RALGAPB: variants seen among roughly 807,000 people sequenced by gnomAD.
RALGAPB encodes the protein ral GTPase-activating protein subunit beta.
Under a neutral mutation model 161.1 loss-of-function variants are expected in RALGAPB, and 25 were observed. That is an observed-to-expected ratio of 0.16 (90% CI 0.11 to 0.22). The LOEUF is 0.22. RALGAPB is among the 10% of genes least tolerant of loss of function. The pLI is 1.00. For synonymous variants in RALGAPB, 629 were observed against 626.1 expected (o/e 1.00, Z -0.07); for missense variants, 1,391 against 1,815.2 (o/e 0.77, Z 4.25).
At chr20:38,543,112 C>A (rs956967662) in intron 18 of RALGAPB, among the ~76,000 whole-genome samples, 1 of 152,170 alleles carries the variant, frequency 6.6e-6, no homozygotes, top group Non-Finnish European at 1.5e-5. Context: ...CATGGCTCAT[C>A]TGTTTCGCTT....
Position 38,497,399 on chromosome 20 carries a change from A to C in RALGAPB, c.436A>C (p.Arg146=), listed in dbSNP as rs751770056. 4 of 1,614,076 alleles carry C rather than the reference A, an allele frequency of 2.5e-6. No individual in the cohort carries two copies. The South Asian group carries it at 4.4e-5, about 18-fold the overall frequency. The change falls in exon 4 of 30, where the codon AGA becomes CGA. Residue 146 remains arginine, a synonymous_variant. Coordinates refer to ENST00000262879, the MANE Select transcript of RALGAPB (RefSeq NM_020336.4). ...SQIRLCLQVL[R]AIQKLARESS... The stretch of plus-strand genomic sequence containing the variant: ...GATTCGACTATGCTTACAGGTCCTG[A>C]GAGCCATTCAGAAACTGGCCCGTGA...
chr20:38,483,167 G>A (rs888972114), intron 1 of RALGAPB, among the ~76,000 whole-genome samples: 1 of 152,214 alleles, frequency 6.6e-6, no homozygotes, highest in East Asian at 1.9e-4. Context: ...GGGATTATAG[G>A]CGTGAGCCAC....
chr20:38,528,350 TTTA>T (rs1568944397), intron 13 of RALGAPB, among the ~76,000 whole-genome samples: 4 of 4,248 alleles, frequency 9.4e-4, no homozygotes, highest in African/African-American at 1.1e-3. Context: ...TTTATTTTTA[TTTA>T]TTTATTTATT....
intron 19 of RALGAPB, chr20:38,547,145 A>G (rs572232386): frequency 9.8e-5 from 15 of 152,314 alleles, no homozygotes; most frequent in African/African-American, 3.6e-4. Flanking sequence ...TTAACACAAC[A>G]TGCACTGTTT....
intron 20 of RALGAPB, among the ~76,000 whole-genome samples, chr20:38,550,009 T>C (rs959849264): frequency 6.6e-6 from 1 of 152,082 alleles, no homozygotes; most frequent in Non-Finnish European, 1.5e-5. Flanking sequence ...ATGGATGAAA[T>C]TGGAAATCAT....
intron 21 of RALGAPB, among the ~76,000 whole-genome samples, chr20:38,553,478 A>G (rs2087452313): frequency 6.6e-6 from 1 of 152,184 alleles, no homozygotes; most frequent in Non-Finnish European, 1.5e-5. Flanking sequence ...ATTTACAGTG[A>G]AAACATGAAG....
chr20:38,475,424 G>T (rs1017119211), intron 1 of RALGAPB, among the ~76,000 whole-genome samples: 3 of 152,136 alleles, frequency 2.0e-5, no homozygotes, highest in African/African-American at 7.2e-5. Flanking sequence ...AAGGAAGGCA[G>T]ACCAATAATT....
chr20:38,496,330 G>C (rs1326515233), intron 3 of RALGAPB, among the ~76,000 whole-genome samples: 1 of 152,074 alleles, frequency 6.6e-6, no homozygotes, highest in East Asian at 1.9e-4. Context: ...CAGTTCTAAG[G>C]GAACTCACTT....
At position 38,541,925 on chromosome 20, in the gene RALGAPB, C is replaced by A. The variant is rs56175431; in HGVS notation, c.2714+733C>A. Among the ~76,000 whole-genome samples, 47 of 152,192 alleles carry A rather than the reference C, an allele frequency of 3.1e-4. 1 individual carries two copies. The South Asian group carries it at 5.8e-3, about 19-fold the overall frequency. ...GTACAGGGTGGGTAAAAAGGCACCA[C>A]GACTGCTGTTTTGAGAATTTTGGTG... is the stretch of plus-strand genomic sequence containing the variant. On this transcript the variant is annotated intron_variant, in intron 18 of 29. Coordinates refer to ENST00000262879, the MANE Select transcript of RALGAPB (RefSeq NM_020336.4).
In RALGAPB at chr20:38,521,477, C is replaced by T; in HGVS notation, c.1418-20C>T. 6.2e-7 allele frequency: 1 copy of T among 1,613,724 alleles called. No individual in the cohort carries two copies. The highest frequency in any genetic ancestry group is 1.1e-5 in the South Asian group (1 of 91,040). ...GTGGCATATTGCAAATATAATAAAA[C>T]CCTCCTTTTCTCTCCCCAGCCATTA... On this transcript the variant is annotated intron_variant, in intron 9 of 29. Coordinates refer to ENST00000262879, the MANE Select transcript of RALGAPB (RefSeq NM_020336.4).
rs545658621 is a variant in RALGAPB, at chr20:38,484,420, C to T, written c.-30-3983C>T. On this transcript the variant is annotated intron_variant, in intron 1 of 29. Transcript: ENST00000262879. Reference sequence around the variant, plus strand: ...TTATACAAAGTATACACTTCACTATCCTCTTTCCACAAGGATTTTGCTATA... The same window carrying T: ...TTATACAAAGTATACACTTCACTATTCTCTTTCCACAAGGATTTTGCTATA... Among the ~76,000 whole-genome samples, 4 of 152,320 alleles carry T rather than the reference C, an allele frequency of 2.6e-5. No homozygotes were observed. In the South Asian group the frequency reaches 8.3e-4, roughly 32 times the overall value.
rs751920797 is a variant in RALGAPB at position 38,567,116 on chromosome 20, A to G, written c.3838A>G (p.Ile1280Val). Residue 1280 changes from isoleucine to valine, a missense_variant, in exon 26 of 30, where the codon ATC (isoleucine) becomes GTC (valine). Coordinates refer to ENST00000262879, the MANE Select transcript of RALGAPB (RefSeq NM_020336.4). ...ESLTDSLESN[I>V]SDQDSDSNMD... Reference sequence around the variant, plus strand: ...CATAGCTGATTCATTGGAAAGTAACATCTCGGACCAAGATAGTGATTCAAA... The same window carrying G: ...CATAGCTGATTCATTGGAAAGTAACGTCTCGGACCAAGATAGTGATTCAAA... 1.2e-5 allele frequency: 20 copies of G among 1,613,344 alleles called. No individual in the cohort carries two copies. Among genetic ancestry groups the G allele is most frequent in the Non-Finnish European group, 1.4e-5 (17 of 1,179,596 alleles).
Position 38,517,640 on chromosome 20 carries a change from A to G in RALGAPB, c.1186A>G (p.Met396Val). 6 of 1,613,986 alleles carry G rather than the reference A, an allele frequency of 3.7e-6. No homozygotes were observed. Among genetic ancestry groups the G allele is most frequent in the Non-Finnish European group, 5.1e-6 (6 of 1,179,988 alleles). The change falls in exon 8 of 30, where the codon ATG becomes GTG. Residue 396 changes from methionine (M) to valine (V), a missense_variant. Physicochemically the swap from Met to Val is conservative, Grantham distance 21. Around this residue, in one of 3 missense-constraint regions of RALGAPB, gnomAD observed 946 missense variants for 1,257.2 expected, o/e 0.75. Transcript: ENST00000262879. Reference protein sequence around the residue: ...HRAVTVNKATMKTSTVSTAHA... With the variant: ...HRAVTVNKATVKTSTVSTAHA... The stretch of plus-strand genomic sequence containing the variant: ...GGCTGTTACTGTGAATAAGGCCACC[A>G]TGAAGACAAGCACAGTAAGAGTTTA...
intron 23 of RALGAPB, among the ~76,000 whole-genome samples, chr20:38,562,076 A>G (rs555924252): frequency 9.9e-5 from 15 of 152,184 alleles, no homozygotes; most frequent in Non-Finnish European, 1.6e-4. Context: ...AATTACACCT[A>G]ATGTTTATTG....
At chr20:38,485,474 C>CT (rs1299890953) in intron 1 of RALGAPB, among the ~76,000 whole-genome samples, 1 of 152,120 alleles carries the variant, frequency 6.6e-6, no homozygotes, top group Non-Finnish European at 1.5e-5. Context: ...GTCACCCAGG[C>CT]TGGAGTGCAG....
At chr20:38,518,984 AT>A (rs1812168171) in intron 9 of RALGAPB, among the ~76,000 whole-genome samples, 1 of 152,164 alleles carries the variant, frequency 6.6e-6, no homozygotes, top group Admixed American at 6.5e-5. Flanking sequence ...ATTCTTAGCT[AT>A]TATTATTATC....
In RALGAPB at chr20:38,539,945, T is replaced by C. The variant is rs753526155; in HGVS notation, c.2549T>C (p.Met850Thr). Residue 850 changes from methionine to threonine, a missense_variant, in exon 17 of 30, where the codon ATG (methionine) becomes ACG (threonine). By Grantham distance (81) the Met-to-Thr change is moderately conservative (BLOSUM62 -1). Coordinates refer to ENST00000262879, the MANE Select transcript of RALGAPB (RefSeq NM_020336.4). ...GTCTGGCTGACAGAGCACCCTGATA[T>C]GCTTGATGAAAAGGTGAGTTTATTT... is the stretch of plus-strand genomic sequence containing the variant. ...LCVWLTEHPD[M>T]LDEKDCLKEV... 7 of 1,608,838 alleles carry C rather than the reference T, an allele frequency of 4.4e-6. No homozygotes were observed. Among genetic ancestry groups the C allele is most frequent in the South Asian group, 3.3e-5 (3 of 89,788 alleles).
At position 38,472,996 on chromosome 20, in the gene RALGAPB, G is replaced by C. The variant is rs1298645864; in HGVS notation, c.-104G>C. On this transcript the variant is annotated 5_prime_UTR_variant, in exon 1 of 30. Coordinates refer to ENST00000262879, the MANE Select transcript of RALGAPB (RefSeq NM_020336.4). Reference sequence around the variant, plus strand: ...AAGCGCCAGCCCTATGGCGCGGGTCGCGTGAGGCGGAAGGCCGAGGACGGC... The same window carrying C: ...AAGCGCCAGCCCTATGGCGCGGGTCCCGTGAGGCGGAAGGCCGAGGACGGC... 7 of 397,574 alleles carry C rather than the reference G, an allele frequency of 1.8e-5. No homozygotes were observed. Among genetic ancestry groups the C allele is most frequent in the Non-Finnish European group, 3.1e-5 (7 of 225,206 alleles). The allele number at this position is 397,574 out of a possible 1,614,324, so 24.6% of individuals were successfully genotyped here.
At chr20:38,531,924 T>A (rs2086663211) in intron 14 of RALGAPB, among the ~76,000 whole-genome samples, 1 of 152,232 alleles carries the variant, frequency 6.6e-6, no homozygotes, top group Admixed American at 6.5e-5. Flanking sequence ...GAGGGAAGTC[T>A]AACAGATAGG....
Sources: gnomAD v4.1 joint callset for allele counts (sites outside exome capture counted in the v4.1 genomes callset) on GRCh38, gnomAD v4.1.1 for gene constraint, gnomAD v4.1.1 regional missense constraint, MANE v1.5 for transcripts, NCBI Gene and HGNC (gene_info 2026-07-23, HGNC 2026-07-21) for gene names.